ARHGAP24: variants seen among roughly 807,000 people sequenced by gnomAD.
The protein encoded by ARHGAP24 is Rho GTPase activating protein 24.
Under a neutral mutation model 76.4 loss-of-function variants are expected in ARHGAP24, and 50 were observed. The observed-to-expected ratio is 0.65, with a 90% confidence interval of 0.52 to 0.83. The LOEUF is 0.83. Ranked by LOEUF, ARHGAP24 falls within the 40% of genes least tolerant of loss-of-function variation. ARHGAP24 has a pLI of 0.00. For synonymous variants in ARHGAP24, 345 were observed against 323.3 expected (o/e 1.07, Z -0.72); for missense variants, 930 against 914.2 (o/e 1.02, Z -0.22).
chr4:85,969,865 C>A (rs985101856), intron 5 of ARHGAP24, among the ~76,000 whole-genome samples: 3 of 152,028 alleles, frequency 2.0e-5, no homozygotes, highest in African/African-American at 7.2e-5. Flanking sequence ...TTGAAGATGA[C>A]CTGGGAACAC....
At chr4:85,956,870 G>C (rs1294346880) in intron 5 of ARHGAP24, among the ~76,000 whole-genome samples, 1 of 152,158 alleles carries the variant, frequency 6.6e-6, no homozygotes, top group African/African-American at 2.4e-5. Context: ...GAGTGCAGTT[G>C]CAAGATTTAA....
At chr4:85,902,407 C>T (rs965331202) in intron 3 of ARHGAP24, among the ~76,000 whole-genome samples, 36 of 152,056 alleles carry the variant, frequency 2.4e-4, no homozygotes, top group Admixed American at 3.3e-4. Flanking sequence ...TTGAGTGGAC[C>T]CAGTGCCTTT....
intron 3 of ARHGAP24, among the ~76,000 whole-genome samples, chr4:85,815,759 G>A (rs960775618): frequency 2.6e-5 from 4 of 152,108 alleles, no homozygotes; most frequent in Admixed American, 2.0e-4. Context: ...CCACATTTTC[G>A]GGTATCTTTT....
At chr4:85,722,795 C>G (rs1364270886) in intron 3 of ARHGAP24, among the ~76,000 whole-genome samples, 1 of 152,162 alleles carries the variant, frequency 6.6e-6, no homozygotes, top group African/African-American at 2.4e-5. Context: ...TGATCACAGT[C>G]TAGGGTGGAT....
At chr4:85,710,361 G>GCC (rs1724480352) in intron 2 of ARHGAP24, among the ~76,000 whole-genome samples, 2 of 151,926 alleles carry the variant, frequency 1.3e-5, no homozygotes, top group African/African-American at 2.4e-5. Flanking sequence ...ACTCAAAATG[G>GCC]ATAAAATGTA....
In ARHGAP24 at chr4:85,690,271, A is replaced by AT. The variant is rs200600320; in HGVS notation, c.181-31612dup. On this transcript the variant is annotated intron_variant, in intron 2 of 9. Coordinates refer to ENST00000395184, the MANE Select transcript of ARHGAP24 (RefSeq NM_001025616.3). ...TTTATCAGAAATAAAAGAAAAAAAA[A>AT]TTCTTTTTTATTGTGTCTGCCAGGT... Among the ~76,000 whole-genome samples, 813 of 152,176 alleles carry AT rather than the reference A, an allele frequency of 5.3e-3. 7 individuals carry two copies. Among genetic ancestry groups the AT allele is most frequent in the African/African-American group, 0.019 (769 of 41,528 alleles).
chr4:85,696,150 T>A (rs1300141348), intron 2 of ARHGAP24, among the ~76,000 whole-genome samples: 1 of 132,514 alleles, frequency 7.5e-6, no homozygotes, highest in Non-Finnish European at 1.6e-5. Flanking sequence ...AAGTGAGTTC[T>A]AAAATGCCCT....
intron 1 of ARHGAP24, among the ~76,000 whole-genome samples, chr4:85,485,076 G>A (rs1357522952): frequency 6.6e-6 from 1 of 151,614 alleles, no homozygotes; most frequent in African/African-American, 2.4e-5. Context: ...CAGGCGCACT[G>A]GCTCACGCCT....
intron 3 of ARHGAP24, among the ~76,000 whole-genome samples, chr4:85,879,831 AAGACAGTTTTTTCATAGATTGCAGGG>A (rs1241935709): frequency 6.6e-6 from 1 of 152,068 alleles, no homozygotes; most frequent in African/African-American, 2.4e-5. Context: ...CCTTGAATGG[AAGACAGTTTTTTCATAGATTGCAGGG>A]AGAGGCGGGG....
At chr4:85,657,850 G>C (rs1017855670) in intron 2 of ARHGAP24, among the ~76,000 whole-genome samples, 2 of 152,200 alleles carry the variant, frequency 1.3e-5, no homozygotes, top group African/African-American at 4.8e-5. Flanking sequence ...TGCCTCCCGG[G>C]TTCAAGTGAT....
intron 6 of ARHGAP24, among the ~76,000 whole-genome samples, chr4:85,972,835 A>T (rs1202649272): frequency 6.6e-6 from 1 of 152,038 alleles, no homozygotes; most frequent in Non-Finnish European, 1.5e-5. Context: ...GGAATCATTC[A>T]ATGTTTTTTT....
At chr4:85,585,922 A>C (rs1019338574) in intron 2 of ARHGAP24, among the ~76,000 whole-genome samples, 10 of 152,202 alleles carry the variant, frequency 6.6e-5, no homozygotes, top group Admixed American at 1.3e-4. Context: ...CATGTATAAA[A>C]TACTTGGTCC....
intron 2 of ARHGAP24, among the ~76,000 whole-genome samples, chr4:85,586,972 A>AT (rs1359815597): frequency 2.0e-5 from 3 of 152,184 alleles, no homozygotes; most frequent in Admixed American, 2.0e-4. Context: ...AATTGCTTAT[A>AT]TTTTTAGCAG....
At chr4:85,870,980 T>C (rs1382760913) in intron 3 of ARHGAP24, among the ~76,000 whole-genome samples, 1 of 152,192 alleles carries the variant, frequency 6.6e-6, no homozygotes, top group Non-Finnish European at 1.5e-5. Context: ...CAGGGTGATG[T>C]TGAAATAAGA....
At chr4:85,642,614 C>T (rs1022037894) in intron 2 of ARHGAP24, among the ~76,000 whole-genome samples, 1 of 152,064 alleles carries the variant, frequency 6.6e-6, no homozygotes, top group Non-Finnish European at 1.5e-5. Context: ...AAAATAAAAA[C>T]CTTGCAGGCT....
chr4:85,527,141 A>C lies in ARHGAP24; in HGVS notation c.-20-43381A>C, dbSNP rs543618577. Among the ~76,000 whole-genome samples the C allele has an allele frequency of 5.5e-4, 83 of 152,270 alleles. 2 individuals carry two copies. The South Asian group carries it at 0.017, about 32-fold the overall frequency. ...AATACCAAGTTACATTATTCTAGGC[A>C]AAGTTGAAGAAGGAATAGTTCAAGG... On this transcript the variant is annotated intron_variant, in intron 1 of 9. Transcript: ENST00000395184.
At chr4:85,635,099 T>G (rs1286111771) in intron 2 of ARHGAP24, among the ~76,000 whole-genome samples, 1 of 151,924 alleles carries the variant, frequency 6.6e-6, no homozygotes, top group Non-Finnish European at 1.5e-5. Flanking sequence ...ATAAAGATTT[T>G]TCATAGCGAG....
intron 2 of ARHGAP24, among the ~76,000 whole-genome samples, chr4:85,688,498 T>C (rs1416132319): frequency 2.0e-5 from 3 of 152,170 alleles, no homozygotes; most frequent in African/African-American, 7.2e-5. Context: ...GCATACTTTG[T>C]GACTATTTTC....
At chr4:85,616,938 A>G (rs1720560859) in intron 2 of ARHGAP24, among the ~76,000 whole-genome samples, 1 of 151,954 alleles carries the variant, frequency 6.6e-6, no homozygotes, top group Non-Finnish European at 1.5e-5. Flanking sequence ...GCTTCCTTTT[A>G]TAAATAAAGT....
Sources: gnomAD v4.1 joint callset for allele counts (sites outside exome capture counted in the v4.1 genomes callset) on GRCh38, gnomAD v4.1.1 for gene constraint, MANE v1.5 for transcripts, NCBI Gene and HGNC (gene_info 2026-07-23, HGNC 2026-07-21) for gene names.